The following MYO3B variants were observed in gnomAD, a reference collection of about 807,000 sequenced individuals.
MYO3B encodes the protein myosin IIIB, also known as myosin-IIIb.
A neutral mutation model predicts 174.6 loss-of-function variants in MYO3B; 156 were observed. The ratio of observed to expected loss-of-function variants is 0.89; its 90% confidence interval spans 0.78 to 1.02. The LOEUF (loss-of-function observed/expected upper bound fraction) is 1.02. Ranked by LOEUF, MYO3B falls within the 50% of genes least tolerant of loss-of-function variation. MYO3B has a pLI of 0.00. For synonymous variants in MYO3B, 563 were observed against 569.1 expected, an observed-to-expected ratio of 0.99 and a Z score of 0.15; for missense variants, 1,632 against 1,639.4, an observed-to-expected ratio of 1.00 and a Z score of 0.08.
At chr2:170,317,008 T>C (rs1397755443) in intron 7 of MYO3B, among the ~76,000 whole-genome samples, 2 of 152,224 alleles carry the variant, frequency 1.3e-5, no homozygotes, top group African/African-American at 4.8e-5. Flanking sequence ...GTGTCATTTG[T>C]ATTGCATTTT....
chr2:170,580,425 G>A (rs57305893), intron 32 of MYO3B, among the ~76,000 whole-genome samples: 47,265 of 152,090 alleles, frequency 0.31, 8,594 homozygotes, highest in Admixed American at 0.39. Flanking sequence ...ATTGCCCAAG[G>A]TCAGGAGTTC....
chr2:170,223,997 T>C (rs1399253863), intron 6 of MYO3B, among the ~76,000 whole-genome samples: 2 of 152,164 alleles, frequency 1.3e-5, no homozygotes, highest in African/African-American at 4.8e-5. Context: ...TCTTTTACCC[T>C]GGGACATTTC....
intron 32 of MYO3B, among the ~76,000 whole-genome samples, chr2:170,590,265 T>C (rs771684316): frequency 1.3e-4 from 20 of 152,208 alleles, no homozygotes; most frequent in Non-Finnish European, 2.6e-4. Context: ...ATGTTTTCTA[T>C]GGGTAAAAGG....
intron 6 of MYO3B, 73 bp from the exon 7 acceptor site, chr2:170,235,918 C>T: frequency 6.3e-7 from 1 of 1,583,802 alleles, no homozygotes; most frequent in Non-Finnish European, 8.6e-7. Flanking sequence ...GGGCTAAGAT[C>T]AGCCCAGGGC....
chr2:170,475,766 A>G (rs764414164), intron 25 of MYO3B, among the ~76,000 whole-genome samples: 1 of 152,202 alleles, frequency 6.6e-6, no homozygotes, highest in African/African-American at 2.4e-5. Context: ...TTCGTTGTCT[A>G]TGGGACGAGG....
intron 26 of MYO3B, among the ~76,000 whole-genome samples, 170 bp from the exon 27 acceptor site, chr2:170,499,476 G>T (rs902959025): frequency 6.6e-6 from 1 of 152,164 alleles, no homozygotes; most frequent in Non-Finnish European, 1.5e-5. Flanking sequence ...CTCAATCTTA[G>T]AAGGAGAATT....
intron 25 of MYO3B, among the ~76,000 whole-genome samples, chr2:170,493,995 G>T (rs1686675907): frequency 6.6e-6 from 1 of 152,240 alleles, no homozygotes; most frequent in South Asian, 2.1e-4. Flanking sequence ...TCTCATGAGA[G>T]ACCCTGGGCC....
chr2:170,241,053 A>G (rs2093126360), intron 7 of MYO3B, among the ~76,000 whole-genome samples: 1 of 152,018 alleles, frequency 6.6e-6, no homozygotes, highest in Non-Finnish European at 1.5e-5. Context: ...CTCCCGTGTC[A>G]GGGCTATTTC....
chr2:170,219,494 A>C (rs1330049313), intron 6 of MYO3B, among the ~76,000 whole-genome samples: 1 of 152,100 alleles, frequency 6.6e-6, no homozygotes, highest in Non-Finnish European at 1.5e-5. Flanking sequence ...AAATACAAAA[A>C]TTAGCTGGGT....
intron 32 of MYO3B, among the ~76,000 whole-genome samples, chr2:170,593,676 T>C (rs1401404412): frequency 6.6e-6 from 1 of 152,254 alleles, no homozygotes; most frequent in Non-Finnish European, 1.5e-5. Flanking sequence ...TACTGGGATC[T>C]ACTTATAGTA....
Position 170,235,929 on chromosome 2 carries a change from C to G in MYO3B, c.604-62C>G, listed in dbSNP as rs563777560. On this transcript the variant is annotated intron_variant, in intron 6 of 34. Coordinates refer to ENST00000408978, the MANE Select transcript of MYO3B (RefSeq NM_138995.5). ...AACGGGGCTAAGATCAGCCCAGGGC[C>G]TTTTTAGGACATCTGATGTGGCAGT... 1.1e-4 allele frequency: 183 copies of G among 1,604,468 alleles called. 1 individual carries two copies. The East Asian group carries it at 3.7e-3, about 32-fold the overall frequency.
intron 14 of MYO3B, among the ~76,000 whole-genome samples, chr2:170,390,089 A>G (rs1574900713): frequency 6.6e-6 from 1 of 152,176 alleles, no homozygotes; most frequent in Admixed American, 6.5e-5. Context: ...CTATTTATAT[A>G]TATCCTATAA....
intron 7 of MYO3B, among the ~76,000 whole-genome samples, chr2:170,318,159 T>C (rs1351430343): frequency 1.3e-5 from 2 of 152,218 alleles, no homozygotes; most frequent in East Asian, 3.9e-4. Flanking sequence ...AAAGCATCAT[T>C]AGTTGTCATT....
At chr2:170,264,687 T>C (rs2093369918) in intron 7 of MYO3B, among the ~76,000 whole-genome samples, 1 of 152,162 alleles carries the variant, frequency 6.6e-6, no homozygotes, top group Non-Finnish European at 1.5e-5. Flanking sequence ...CCCTGATATA[T>C]AGTAGTTGCT....
At chr2:170,252,167 T>A (rs2105332394) in intron 7 of MYO3B, among the ~76,000 whole-genome samples, 1 of 152,378 alleles carries the variant, frequency 6.6e-6, no homozygotes, top group Non-Finnish European at 1.5e-5. Context: ...GTCCTCCTGC[T>A]GGCTCCACCC....
rs566121487 is a variant in MYO3B, at chr2:170,385,898, A to T, written c.1291-291A>T. On this transcript the variant is annotated intron_variant, in intron 12 of 34. Transcript: ENST00000408978. Reference sequence around the variant, plus strand: ...CCTGCAGATGAACCTGCATAAAAATATAATGACTTAAGTATAAGGTTATTC... The same window carrying T: ...CCTGCAGATGAACCTGCATAAAAATTTAATGACTTAAGTATAAGGTTATTC... 2.0e-5 allele frequency: 4 copies of T among 199,622 alleles called. No individual in the cohort carries two copies. In the South Asian group the frequency reaches 6.4e-4, roughly 32 times the overall value. The allele number at this position is 199,622 out of a possible 1,614,324, so 12.4% of individuals were successfully genotyped here.
intron 22 of MYO3B, among the ~76,000 whole-genome samples, chr2:170,430,473 G>A (rs931888480): frequency 2.0e-5 from 3 of 151,388 alleles, no homozygotes; most frequent in Admixed American, 6.6e-5. Flanking sequence ...CTGGGTTCGA[G>A]GGATTCTCCT....
intron 25 of MYO3B, among the ~76,000 whole-genome samples, chr2:170,491,501 C>T (rs1278825804): frequency 6.6e-6 from 1 of 152,142 alleles, no homozygotes; most frequent in Non-Finnish European, 1.5e-5. Flanking sequence ...TCTCTGCTCA[C>T]TGCAAGCTCC....
At chr2:170,200,395 C>A in intron 3 of MYO3B, 111 bp downstream of exon 3, 1 of 1,211,454 alleles carries the variant, frequency 8.3e-7, no homozygotes, top group East Asian at 2.6e-5. Context: ...GTAGGTCCCT[C>A]CTGCATGTCA....
Sources: gnomAD v4.1 joint callset for allele counts (sites outside exome capture counted in the v4.1 genomes callset) on GRCh38, gnomAD v4.1.1 for gene constraint, MANE v1.5 for transcripts, NCBI Gene and HGNC (gene_info 2026-07-23, HGNC 2026-07-21) for gene names.